Variants in ATP13A3 observed in about 807,000 individuals in gnomAD.
The protein encoded by ATP13A3 is polyamine-transporting ATPase 13A3.
A neutral mutation model predicts 158.1 loss-of-function variants in ATP13A3; 59 were observed. The ratio of observed to expected loss-of-function variants is 0.37; its 90% CI spans 0.30 to 0.46. ATP13A3 has a LOEUF of 0.46. ATP13A3 is among the 20% of genes least tolerant of loss of function. The pLI is 1.00. For missense variants in ATP13A3, 1,166 were observed against 1,525.2 expected (o/e 0.76, Z 3.92); for synonymous variants, 491 against 504.3 (o/e 0.97, Z 0.35).
intron 2 of ATP13A3, among the ~76,000 whole-genome samples, chr3:194,473,790 T>C (rs1324966247): frequency 6.6e-6 from 1 of 152,120 alleles, no homozygotes; most frequent in Non-Finnish European, 1.5e-5. Context: ...TGAACGTCCA[T>C]CAATAGAAGA....
chr3:194,421,136 A>AATAT (rs1491477047), intron 30 of ATP13A3, among the ~76,000 whole-genome samples: 1 of 3,022 alleles, frequency 3.3e-4, no homozygotes, highest in Non-Finnish European at 5.1e-4. Context: ...ATATATATAT[A>AATAT]GTATATATAT....
chr3:194,440,295 C>A (rs1248791953), intron 16 of ATP13A3, among the ~76,000 whole-genome samples: 6 of 152,138 alleles, frequency 3.9e-5, no homozygotes, highest in African/African-American at 9.7e-5. Flanking sequence ...AAACAAAAAA[C>A]CAGGGAGTCC....
intron 2 of ATP13A3, among the ~76,000 whole-genome samples, chr3:194,471,734 A>T (rs1720316093): frequency 6.6e-6 from 1 of 152,234 alleles, no homozygotes; most frequent in Non-Finnish European, 1.5e-5. Flanking sequence ...TTACAACAGT[A>T]GGATTTACAA....
Position 194,425,378 on chromosome 3 carries a change from T to C in ATP13A3, c.3277A>G (p.Lys1093Glu). 1 of 1,612,410 alleles carries C rather than the reference T, an allele frequency of 6.2e-7. No homozygotes were observed. Among genetic ancestry groups the C allele is most frequent in the Non-Finnish European group, 8.5e-7 (1 of 1,179,580 alleles). ...QYLIVAIAFS[K>E]GKPFRQPCYK... ...CAAGGTTGCCTGAAGGGTTTTCCTTTTGAAAAGGCAATTGCCACTATGAGG... is the reference window on the plus strand; with the variant it reads ...CAAGGTTGCCTGAAGGGTTTTCCTTCTGAAAAGGCAATTGCCACTATGAGG... The change falls in exon 30 of 34, where the codon AAA becomes GAA. Residue 1093 changes from lysine to glutamate, a missense_variant. By Grantham distance (56) the Lys-to-Glu change is moderately conservative. This residue lies in a region of ATP13A3 where 997 missense variants were observed against 1,341.2 expected (regional missense o/e 0.74). Transcript: ENST00000645319.
chr3:194,432,035 T>A (rs1717261310), intron 21 of ATP13A3, 143 bp from the exon 22 acceptor site: 1 of 646,852 alleles, frequency 1.5e-6, no homozygotes, highest in East Asian at 3.4e-5. Context: ...ACTTACAGTT[T>A]AAAAATAACA....
At chr3:194,459,693 C>A in intron 5 of ATP13A3, 96 bp downstream of exon 5, 1 of 1,330,016 alleles carries the variant, frequency 7.5e-7, no homozygotes, top group Non-Finnish European at 1.0e-6. Flanking sequence ...TTATCTCAAG[C>A]ATTAACTGCA....
At chr3:194,437,034 C>T in intron 20 of ATP13A3, 61 bp downstream of exon 20, 1 of 1,547,196 alleles carries the variant, frequency 6.5e-7, no homozygotes, top group Non-Finnish European at 8.8e-7. Flanking sequence ...AATTACTGTG[C>T]ATGACTAATA....
rs752931048 is a variant in ATP13A3, at chr3:194,437,298, G to C, written c.1999+13C>G. ...ATACCAGAATTGTACCCAAAGCATA[G>C]ATATTTCCTTACCTGTTTCAGGTTT... On this transcript the variant is annotated intron_variant, in intron 19 of 33. Transcript: ENST00000645319. 1 of 1,614,058 alleles carries C rather than the reference G, an allele frequency of 6.2e-7. No individual in the cohort carries two copies. Among genetic ancestry groups the C allele is most frequent in the African/African-American group, 1.3e-5 (1 of 74,926 alleles).
intron 20 of ATP13A3, among the ~76,000 whole-genome samples, chr3:194,435,799 C>T (rs1414415259): frequency 6.6e-6 from 1 of 152,042 alleles, no homozygotes; most frequent in Non-Finnish European, 1.5e-5. Flanking sequence ...TCCAGCTACT[C>T]AGGAGGCTGA....
chr3:194,453,280 TAAAAAAAAAAAAAAAA>T (rs35230118), intron 10 of ATP13A3, among the ~76,000 whole-genome samples: 3 of 100,950 alleles, frequency 3.0e-5, no homozygotes, highest in Non-Finnish European at 6.0e-5. Flanking sequence ...ACATCGACTT[TAAAAAAAAAAAAAAAA>T]AAAAAAAGGC....
chr3:194,431,228 T>A lies in ATP13A3; in HGVS notation c.2422-2A>T. 6.2e-7 allele frequency: 1 copy of A among 1,603,608 alleles called. No individual in the cohort carries two copies. Among genetic ancestry groups the A allele is most frequent in the Non-Finnish European group, 8.5e-7 (1 of 1,172,148 alleles). ...ATGGACCAATTTAACCGGAATAGCC[T>A]GTGTATATGAGACATTGGGAACAAT... On this transcript the variant is annotated splice_acceptor_variant, in intron 22 of 33. Coordinates refer to ENST00000645319, the MANE Select transcript of ATP13A3 (RefSeq NM_001367549.1). LOFTEE classifies it high-confidence loss of function.
chr3:194,437,730 T>C (rs1717762415), intron 17 of ATP13A3, among the ~76,000 whole-genome samples, 157 bp from the exon 18 acceptor site: 1 of 152,206 alleles, frequency 6.6e-6, no homozygotes, highest in African/African-American at 2.4e-5. Context: ...CTATACTACT[T>C]CCCATTTTTA....
intron 33 of ATP13A3, 145 bp from the exon 34 acceptor site, chr3:194,406,261 C>T: frequency 3.2e-6 from 3 of 928,288 alleles, no homozygotes; most frequent in South Asian, 3.6e-5. Context: ...AAAAAAAATC[C>T]ATGTTAAAAA....
At chr3:194,457,002 A>T in intron 7 of ATP13A3, 92 bp downstream of exon 7, 1 of 789,524 alleles carries the variant, frequency 1.3e-6, no homozygotes, top group Admixed American at 2.6e-5. Flanking sequence ...AGTATCTGTT[A>T]ATATGTACAA....
intron 33 of ATP13A3, among the ~76,000 whole-genome samples, chr3:194,407,710 A>T (rs1715044330): frequency 6.6e-6 from 1 of 152,198 alleles, no homozygotes; most frequent in South Asian, 2.1e-4. Context: ...GGGGACGGGG[A>T]AAGTCTGAAG....
intron 26 of ATP13A3, 100 bp downstream of exon 26, chr3:194,429,972 C>T (rs1717098809): frequency 8.8e-7 from 1 of 1,133,936 alleles, no homozygotes. Flanking sequence ...TGCTAATCTG[C>T]TAATATTAAA....
At chr3:194,446,866 T>C (rs1718443349) in intron 14 of ATP13A3, 61 bp downstream of exon 14, 1 of 1,391,650 alleles carries the variant, frequency 7.2e-7, no homozygotes, top group Non-Finnish European at 9.7e-7. Context: ...TAAAAAACAT[T>C]GATCTAAATA....
At chr3:194,468,307 T>C (rs909469402) in intron 2 of ATP13A3, 1 of 149,458 alleles carries the variant, frequency 6.7e-6, no homozygotes, top group Non-Finnish European at 1.5e-5. Flanking sequence ...GTTATCTAAA[T>C]AGCAAGGAGC....
intron 2 of ATP13A3, among the ~76,000 whole-genome samples, chr3:194,483,598 T>C (rs1277893706): frequency 1.3e-5 from 2 of 149,004 alleles, no homozygotes. Context: ...TCAAAAAAAC[T>C]CAACATGGTT....
Sources: allele counts gnomAD v4.1 joint callset (sites outside exome capture counted in the v4.1 genomes callset), GRCh38; gene constraint gnomAD v4.1.1; regional missense constraint gnomAD v4.1.1; transcripts MANE v1.5; gene names NCBI Gene and HGNC (gene_info 2026-07-23, HGNC 2026-07-21).